Variants in MED13L observed in about 807,000 individuals in gnomAD.
MED13L encodes mediator complex subunit 13L.
In MED13L, 7 loss-of-function variants were observed where a neutral mutation model predicts 220.9. That is an observed-to-expected ratio of 0.03 (90% CI 0.02 to 0.06). MED13L has a LOEUF of 0.06. Ranked by LOEUF, MED13L falls within the 10% of genes least tolerant of loss-of-function variation. The pLI, the probability that MED13L is intolerant of heterozygous loss-of-function variation, is 1.00. For synonymous variants in MED13L, 1,011 were observed against 1,015.2 expected (o/e 1.00, Z 0.08); for missense variants, 1,965 against 2,760.5 (o/e 0.71, Z 6.46).
Position 116,019,302 on chromosome 12 carries a change from C to G in MED13L, c.931G>C (p.Gly311Arg). Reference sequence around the variant, plus strand: ...CTTGGGTCCTTCACACTACCAAGCCCTTGCTGCCCAACTGCAATGTGGCCT... The same window carrying G: ...CTTGGGTCCTTCACACTACCAAGCCGTTGCTGCCCAACTGCAATGTGGCCT... ...AGGHIAVGQQ[G>R]LGSVKDPSNC... Residue 311 changes from glycine (G) to arginine (R), a missense_variant, in exon 7 of 31, where the codon GGG (glycine) becomes CGG (arginine). Coordinates refer to ENST00000281928, the MANE Select transcript of MED13L (RefSeq NM_015335.5). The G allele has an allele frequency of 6.2e-7, 1 of 1,614,042 alleles. No individual in the cohort carries two copies. Among genetic ancestry groups the G allele is most frequent in the Non-Finnish European group, 8.5e-7 (1 of 1,179,958 alleles).
chr12:115,992,360 G>C (rs1878120281), intron 16 of MED13L, among the ~76,000 whole-genome samples: 1 of 152,060 alleles, frequency 6.6e-6, no homozygotes, highest in South Asian at 2.1e-4. Context: ...GAGGACCATA[G>C]GATGAAATTT....
chr12:116,075,712 T>C (rs1457820092), intron 4 of MED13L, among the ~76,000 whole-genome samples: 6 of 152,162 alleles, frequency 3.9e-5, no homozygotes, highest in East Asian at 3.9e-4. Flanking sequence ...CTCCAGGAAA[T>C]AGACTTCCTT....
At chr12:116,122,731 A>G (rs534753092) in intron 2 of MED13L, among the ~76,000 whole-genome samples, 3 of 152,206 alleles carry the variant, frequency 2.0e-5, no homozygotes, top group Non-Finnish European at 4.4e-5. Context: ...AGGAATCAGC[A>G]TGGGTTCTCT....
intron 2 of MED13L, among the ~76,000 whole-genome samples, chr12:116,171,458 C>T (rs1879676896): frequency 6.6e-6 from 1 of 152,182 alleles, no homozygotes; most frequent in South Asian, 2.1e-4. Context: ...ACAGTGGAAA[C>T]TATTTTATAG....
At chr12:115,988,017 T>C (rs1202379026) in intron 17 of MED13L, among the ~76,000 whole-genome samples, 7 of 152,206 alleles carry the variant, frequency 4.6e-5, no homozygotes, top group African/African-American at 1.7e-4. Context: ...GGGTTCATCA[T>C]GCAAATCAGA....
chr12:116,246,488 G>A (rs997012446), intron 1 of MED13L, among the ~76,000 whole-genome samples: 6 of 151,430 alleles, frequency 4.0e-5, no homozygotes, highest in African/African-American at 1.5e-4. Flanking sequence ...TCATACAATA[G>A]GCAAAAACTG....
At chr12:115,961,443 G>A (rs780794276) in intron 30 of MED13L, 45 bp from the exon 31 acceptor site, 14 of 1,610,682 alleles carry the variant, frequency 8.7e-6, no homozygotes, top group Non-Finnish European at 1.2e-5. Flanking sequence ...CCTCAAGAGG[G>A]AAGGCTGGTT....
intron 26 of MED13L, 93 bp from the exon 27 acceptor site, chr12:115,970,863 G>T: frequency 8.4e-7 from 1 of 1,196,264 alleles, no homozygotes; most frequent in Non-Finnish European, 1.2e-6. Context: ...TGAGTCTGAT[G>T]AAAATGCCAT....
In MED13L at chr12:115,991,382, G is replaced by T; in HGVS notation, c.3572C>A (p.Ser1191Tyr). 6.2e-7 allele frequency: 1 copy of T among 1,613,990 alleles called. No homozygotes were observed. The highest frequency in any genetic ancestry group is 8.5e-7 in the Non-Finnish European group (1 of 1,180,024). Residue 1191 changes from serine (S) to tyrosine (Y), a missense_variant, in exon 17 of 31, where the codon TCT becomes TAT. Transcript: ENST00000281928. This position sits in a 1 kb window ranked among gnomAD's most constrained non-coding sequence, Gnocchi z 7.7. Reference protein sequence around the residue: ...EDELDIFGKNSDIGQAAERRL... With the variant: ...EDELDIFGKNYDIGQAAERRL... ...CCTCTCTGCAGCCTGACCAATATCA[G>T]AATTCTTCCCAAAAATATCCAACTC... is the stretch of plus-strand genomic sequence containing the variant.
At chr12:116,111,910 T>C (rs1395086121) in intron 2 of MED13L, among the ~76,000 whole-genome samples, 2 of 152,184 alleles carry the variant, frequency 1.3e-5, no homozygotes, top group Admixed American at 6.5e-5. Context: ...AGTTATAAAA[T>C]GTTTTTTAGA....
At chr12:116,173,144 A>T (rs934764189) in intron 2 of MED13L, among the ~76,000 whole-genome samples, 6 of 151,768 alleles carry the variant, frequency 4.0e-5, no homozygotes, top group African/African-American at 1.5e-4. Context: ...GTGATTCTAT[A>T]TCATCAATCT....
intron 1 of MED13L, 82 bp from the exon 2 acceptor site, chr12:116,237,787 T>C (rs911330659): frequency 1.2e-4 from 137 of 1,186,082 alleles, no homozygotes; most frequent in Non-Finnish European, 3.0e-5. Context: ...AGAAAAGCAA[T>C]TGTGCTAAAA....
At position 116,113,473 on chromosome 12, in the gene MED13L, C is replaced by CA. The variant is rs1382333348; in HGVS notation, c.311-1962dup. On this transcript the variant is annotated intron_variant, in intron 2 of 30. Coordinates refer to ENST00000281928, the MANE Select transcript of MED13L (RefSeq NM_015335.5). ...GCAACACAGCCAGTCCCCATCTCTA[C>CA]AAAAAAAAAAAAAATTATATATATA... Among the ~76,000 whole-genome samples, 754 of 121,112 alleles carry CA rather than the reference C, an allele frequency of 6.2e-3. 1 individual carries two copies. Among genetic ancestry groups the CA allele is most frequent in the Middle Eastern group, 0.013 (3 of 236 alleles). The allele number at this position is 121,112 out of a possible 152,430, so 79.5% of individuals were successfully genotyped here.
chr12:116,070,734 T>C (rs921807142), intron 4 of MED13L, among the ~76,000 whole-genome samples: 3 of 152,178 alleles, frequency 2.0e-5, no homozygotes, highest in East Asian at 1.9e-4. Flanking sequence ...CACAAGTACA[T>C]CTACATTACA....
chr12:116,117,667 CA>C (rs567626153), intron 2 of MED13L, among the ~76,000 whole-genome samples: 1,417 of 141,658 alleles, frequency 0.01, 20 homozygotes, highest in African/African-American at 0.025. Flanking sequence ...GTATTAAAAA[CA>C]AAAAAAAAAA....
intron 2 of MED13L, among the ~76,000 whole-genome samples, chr12:116,209,909 C>T (rs1329555284): frequency 6.6e-6 from 1 of 152,202 alleles, no homozygotes; most frequent in Non-Finnish European, 1.5e-5. Context: ...TTAACCATGG[C>T]TTAACCAAAA....
chr12:116,102,697 CT>C (rs200752610), intron 3 of MED13L, among the ~76,000 whole-genome samples: 1 of 73,274 alleles, frequency 1.4e-5, no homozygotes, highest in Non-Finnish European at 2.9e-5. Flanking sequence ...TTTTCTTTTT[CT>C]TTTTCTTTTT....
intron 2 of MED13L, among the ~76,000 whole-genome samples, chr12:116,216,021 TTTC>T (rs1384507364): frequency 2.0e-5 from 3 of 152,138 alleles, no homozygotes; most frequent in African/African-American, 7.2e-5. Context: ...TTCAAACTTT[TTTC>T]TTCCTCTTCT....
chr12:115,982,608 A>T lies in MED13L; in HGVS notation c.4956-5T>A, dbSNP rs771118133. 4 of 1,607,310 alleles carry T rather than the reference A, an allele frequency of 2.5e-6. No homozygotes were observed. The Admixed American group carries it at 6.7e-5, about 27-fold the overall frequency. ...ATTCTCTCCCTTTCTGTAACACTGGAGAGAGAGTCACTTGTGAGATGCACA... is the reference window on the plus strand; with the variant it reads ...ATTCTCTCCCTTTCTGTAACACTGGTGAGAGAGTCACTTGTGAGATGCACA... On this transcript the variant is annotated splice_polypyrimidine_tract_variant and splice_region_variant and intron_variant, in intron 21 of 30. Transcript: ENST00000281928.
Sources: gnomAD v4.1 joint callset for allele counts (sites outside exome capture counted in the v4.1 genomes callset) on GRCh38, gnomAD v4.1.1 for gene constraint, Gnocchi (gnomAD v3.1) non-coding constraint, MANE v1.5 for transcripts, NCBI Gene and HGNC (gene_info 2026-07-23, HGNC 2026-07-21) for gene names.